Variants in RBFOX1 observed in about 807,000 individuals in gnomAD.
The protein encoded by RBFOX1 is RNA binding protein fox-1 homolog 1.
Under a neutral mutation model 57.7 loss-of-function variants are expected in RBFOX1, and 8 were observed. The ratio of observed to expected loss-of-function variants is 0.14; its 90% CI spans 0.08 to 0.25. The LOEUF is 0.25. RBFOX1 is among the 10% of genes least tolerant of loss of function. The probability of loss-of-function intolerance (pLI) is 1.00; values close to 1 mark genes in which losing one functional copy is unlikely to be tolerated. For missense variants in RBFOX1, 611 were observed against 548.5 expected, an observed-to-expected ratio of 1.11 and a Z score of -1.14; for synonymous variants, 326 against 222.4, an observed-to-expected ratio of 1.47 and a Z score of -4.15.
chr16:6,017,942 G>A (rs1040676810), upstream of RBFOX1, among the ~76,000 whole-genome samples: 3 of 152,126 alleles, frequency 2.0e-5, no homozygotes, highest in African/African-American at 7.2e-5. Flanking sequence ...AAATGAACAG[G>A]CGCCTCAGAT....
chr16:6,661,818 C>G (rs184347576), intron 3 of RBFOX1, among the ~76,000 whole-genome samples: 1 of 152,140 alleles, frequency 6.6e-6, no homozygotes, highest in Admixed American at 6.5e-5. Flanking sequence ...CGGCGGGATG[C>G]CTGGATTATT....
intron 10 of RBFOX1, among the ~76,000 whole-genome samples, chr16:7,610,164 G>T (rs1375508867): frequency 1.0e-5 from 1 of 99,024 alleles, no homozygotes; most frequent in African/African-American, 4.5e-5. Context: ...CTGTTGCCCA[G>T]GCTGGAGTGC....
chr16:6,171,106 A>G (rs1223629771), intron 1 of RBFOX1, among the ~76,000 whole-genome samples: 1 of 152,214 alleles, frequency 6.6e-6, no homozygotes, highest in Non-Finnish European at 1.5e-5. Flanking sequence ...GTATATACCC[A>G]GTGATGGGAT....
intron 2 of RBFOX1, among the ~76,000 whole-genome samples, chr16:6,398,558 G>T (rs556316446): frequency 6.6e-6 from 1 of 151,862 alleles, no homozygotes; most frequent in South Asian, 2.1e-4. Context: ...AAAACAAAGG[G>T]ACTACAGGTC....
At position 5,675,373 on chromosome 16, in the gene RBFOX1, G is replaced by A. The variant is rs531196955; in HGVS notation, c.318+76412G>A. The stretch of plus-strand genomic sequence containing the variant: ...ACTACTGATCATTTCTAGACTTTGG[G>A]CTAAGCACATTGGTGCTTGAAAAGA... On this transcript the variant is annotated intron_variant, in intron 3 of 19. Coordinates refer to the RBFOX1 transcript ENST00000641259. 1.1e-4 allele frequency among the ~76,000 whole-genome samples: 17 copies of A among 152,248 alleles called. 1 individual carries two copies. The highest frequency in any genetic ancestry group is 3.9e-4 in the African/African-American group (16 of 41,534).
intron 2 of RBFOX1, among the ~76,000 whole-genome samples, chr16:6,362,880 A>C (rs941132567): frequency 1.3e-5 from 2 of 152,210 alleles, no homozygotes; most frequent in African/African-American, 4.8e-5. Flanking sequence ...ATGGAGACTA[A>C]ATAAGGTAGT....
At chr16:6,777,371 C>T (rs916777864) in intron 3 of RBFOX1, among the ~76,000 whole-genome samples, 2 of 151,822 alleles carry the variant, frequency 1.3e-5, no homozygotes, top group African/African-American at 4.8e-5. Context: ...TTTGTGTGTC[C>T]CTGAGAAAGA....
chr16:6,121,241 G>T (rs1470971339), intron 1 of RBFOX1, among the ~76,000 whole-genome samples: 1 of 152,142 alleles, frequency 6.6e-6, no homozygotes, highest in African/African-American at 2.4e-5. Flanking sequence ...GTCAAAACAT[G>T]AGACTCTAGA....
intron 4 of RBFOX1, among the ~76,000 whole-genome samples, chr16:7,447,290 A>G (rs1234556565): frequency 1.3e-5 from 2 of 151,862 alleles, no homozygotes; most frequent in African/African-American, 4.8e-5. Flanking sequence ...AAAATTAGCC[A>G]GCTGTGGTGG....
rs977449850 is a variant in RBFOX1 at position 6,926,447 on chromosome 16, G to A, written c.-15-125610G>A. ...TCAGAATTTCCCCTGCCTCCTGATC[G>A]GTGTTCAGATGTAGATAGTAGGTTC... On this transcript the variant is annotated intron_variant, in intron 3 of 15. Transcript: ENST00000550418. Among the ~76,000 whole-genome samples the A allele has an allele frequency of 7.2e-5, 11 of 152,134 alleles. No homozygotes were observed. In the South Asian group the frequency reaches 1.0e-3, roughly 14 times the overall value.
chr16:7,669,969 G>A (rs566713013), intron 13 of RBFOX1, among the ~76,000 whole-genome samples: 42 of 152,106 alleles, frequency 2.8e-4, no homozygotes, highest in Middle Eastern at 6.8e-3. Context: ...CCTGTATTAC[G>A]TCATCTCTCC....
intron 3 of RBFOX1, among the ~76,000 whole-genome samples, chr16:6,876,628 A>T (rs978050015): frequency 6.7e-6 from 1 of 149,986 alleles, no homozygotes; most frequent in Non-Finnish European, 1.5e-5. Flanking sequence ...ACTTGTATCT[A>T]TTTTTTTTTT....
At chr16:7,119,534 T>C (rs1376228418) in intron 4 of RBFOX1, among the ~76,000 whole-genome samples, 1 of 152,088 alleles carries the variant, frequency 6.6e-6, no homozygotes, top group Non-Finnish European at 1.5e-5. Flanking sequence ...CCATCCTGTT[T>C]CACTTAGATA....
chr16:5,641,288 A>C (rs1420879883), intron 3 of RBFOX1, among the ~76,000 whole-genome samples: 1 of 152,218 alleles, frequency 6.6e-6, no homozygotes, highest in Non-Finnish European at 1.5e-5. Context: ...AGGTGCTGAG[A>C]ATACAGTGGA....
At chr16:6,892,525 C>G (rs576211803) in intron 3 of RBFOX1, among the ~76,000 whole-genome samples, 21 of 152,076 alleles carry the variant, frequency 1.4e-4, no homozygotes, top group African/African-American at 5.1e-4. Context: ...CAAAAATTAG[C>G]TGCGCATGGT....
At chr16:6,138,704 G>GA (rs2096687656) in intron 1 of RBFOX1, among the ~76,000 whole-genome samples, 1 of 151,978 alleles carries the variant, frequency 6.6e-6, no homozygotes. Context: ...CGTCTCTACT[G>GA]AAAATACAAA....
chr16:5,591,526 C>T (rs1838335155), intron 2 of RBFOX1, among the ~76,000 whole-genome samples: 1 of 152,182 alleles, frequency 6.6e-6, no homozygotes, highest in South Asian at 2.1e-4. Flanking sequence ...GCTGGGATTA[C>T]AGGCGTGAGT....
chr16:7,273,270 C>G (rs949054718), intron 4 of RBFOX1, among the ~76,000 whole-genome samples: 1 of 142,448 alleles, frequency 7.0e-6, no homozygotes, highest in East Asian at 2.2e-4. Flanking sequence ...TCCTCCCTTT[C>G]TCTTTTTCTC....
intron 4 of RBFOX1, among the ~76,000 whole-genome samples, chr16:7,473,065 A>G (rs2061872075): frequency 6.6e-6 from 1 of 152,130 alleles, no homozygotes; most frequent in Admixed American, 6.5e-5. Context: ...GTTGATACAA[A>G]CGATGAATAG....
Sources: gnomAD v4.1 joint callset for allele counts (sites outside exome capture counted in the v4.1 genomes callset) on GRCh38, gnomAD v4.1.1 for gene constraint, MANE v1.5 for transcripts, NCBI Gene and HGNC (gene_info 2026-07-23, HGNC 2026-07-21) for gene names.